Variants in ACOT7 observed in about 807,000 individuals in gnomAD.
ACOT7 encodes acyl-CoA thioesterase 7, also known as cytosolic acyl coenzyme A thioester hydrolase.
Under a neutral mutation model 40.2 loss-of-function variants are expected in ACOT7, and 12 were observed. That is an observed-to-expected ratio of 0.30 (90% CI 0.19 to 0.48). The LOEUF (loss-of-function observed/expected upper bound fraction) is 0.48, where lower values mean the gene tolerates loss of function less well. ACOT7 is among the 20% of genes least tolerant of loss of function. The probability of loss-of-function intolerance (pLI) is 0.99; values close to 1 mark genes in which losing one functional copy is unlikely to be tolerated. For synonymous variants in ACOT7, 228 were observed against 219.5 expected (o/e 1.04, Z -0.34); for missense variants, 395 against 530.8 (o/e 0.74, Z 2.51).
intron 2 of ACOT7, among the ~76,000 whole-genome samples, chr1:6,340,188 A>G (rs564354723): frequency 3.3e-5 from 5 of 152,144 alleles, no homozygotes; most frequent in South Asian, 2.1e-4. Flanking sequence ...GAATGGTCTC[A>G]ATCTCCTGAC....
chr1:6,391,165 G>A (rs968661197), intron 1 of ACOT7, among the ~76,000 whole-genome samples: 9 of 151,780 alleles, frequency 5.9e-5, no homozygotes, highest in Non-Finnish European at 1.0e-4. Flanking sequence ...GCGTGGTGGC[G>A]CACGCCTGTA....
intron 2 of ACOT7, among the ~76,000 whole-genome samples, chr1:6,348,484 G>C (rs1235488627): frequency 6.6e-6 from 1 of 152,116 alleles, no homozygotes; most frequent in East Asian, 1.9e-4. Context: ...AACCCCCAAG[G>C]GAATGGTAGT....
chr1:6,317,355 T>C (rs768052811), intron 6 of ACOT7, among the ~76,000 whole-genome samples: 12 of 152,246 alleles, frequency 7.9e-5, no homozygotes, highest in Non-Finnish European at 1.6e-4. Flanking sequence ...GAAAAATAAT[T>C]ACACATTATT....
chr1:6,380,621 A>G (rs1025195732), intron 1 of ACOT7, among the ~76,000 whole-genome samples: 11 of 150,630 alleles, frequency 7.3e-5, no homozygotes, highest in Non-Finnish European at 1.6e-4. Context: ...CGACCTCTCA[A>G]TGGGGAAAGA....
In ACOT7 at chr1:6,359,431, C is replaced by A. The variant is rs1354099851; in HGVS notation, c.144-9565G>T. 1 of 153,372 alleles carries A rather than the reference C, an allele frequency of 6.5e-6. No homozygotes were observed. The highest frequency in any genetic ancestry group is 2.4e-5 in the African/African-American group (1 of 41,470). 9.5% of individuals were successfully genotyped at this position (153,372 alleles called of 1,614,324 possible). On this transcript the variant is annotated intron_variant, in intron 1 of 8. Transcript: ENST00000361521. This position sits in a 1 kb window ranked among gnomAD's most constrained non-coding sequence, Gnocchi z 4.1. ...GACAGGCGGTCCAGCCTCCCCTCTC[C>A]TCAGGCCACACCCCTGTCCTTCCCC... is the stretch of plus-strand genomic sequence containing the variant.
intron 8 of ACOT7, among the ~76,000 whole-genome samples, chr1:6,271,556 GCC>G (rs1230324995): frequency 6.6e-6 from 1 of 152,218 alleles, no homozygotes; most frequent in Non-Finnish European, 1.5e-5. Context: ...AAGCACCTGT[GCC>G]CCCAGGGTCT....
chr1:6,380,769 A>G (rs1378418557), intron 1 of ACOT7, among the ~76,000 whole-genome samples: 1 of 151,774 alleles, frequency 6.6e-6, no homozygotes, highest in East Asian at 1.9e-4. Flanking sequence ...ACCTAAAACT[A>G]TAAAACTCTT....
chr1:6,322,669 T>C (rs541892379), intron 5 of ACOT7, among the ~76,000 whole-genome samples: 22 of 152,370 alleles, frequency 1.4e-4, no homozygotes, highest in Middle Eastern at 3.4e-3. Flanking sequence ...CCTCTTCTTG[T>C]AAAGACACCA....
intron 8 of ACOT7, among the ~76,000 whole-genome samples, chr1:6,270,806 G>A (rs1045490506): frequency 6.6e-6 from 1 of 152,356 alleles, no homozygotes; most frequent in Admixed American, 6.5e-5. Context: ...CTGAGGCCAA[G>A]TGCAGCCTGG....
chr1:6,335,256 G>C (rs530989432), intron 3 of ACOT7, among the ~76,000 whole-genome samples: 1 of 149,872 alleles, frequency 6.7e-6, no homozygotes, highest in Admixed American at 6.7e-5. Context: ...GAACCCAGGA[G>C]GCAGAGGTTG....
In ACOT7 at chr1:6,365,129, A is replaced by G. The variant is rs148270946; in HGVS notation, c.144-15263T>C. Among the ~76,000 whole-genome samples, 186 of 152,348 alleles carry G rather than the reference A, an allele frequency of 1.2e-3. 1 individual carries two copies. Among genetic ancestry groups the G allele is most frequent in the African/African-American group, 3.8e-3 (159 of 41,576 alleles). Reference sequence around the variant, plus strand: ...AGGCTGGACAAAAAGAGAACTGTGCAAGTCCATGTTTATAAACTTGGAGGA... The same window carrying G: ...AGGCTGGACAAAAAGAGAACTGTGCGAGTCCATGTTTATAAACTTGGAGGA... On this transcript the variant is annotated intron_variant, in intron 1 of 8. Transcript: ENST00000361521.
intron 6 of ACOT7, among the ~76,000 whole-genome samples, chr1:6,308,752 G>A (rs1003189857): frequency 6.6e-6 from 1 of 152,092 alleles, no homozygotes; most frequent in African/African-American, 2.4e-5. Context: ...ACCAGGTGGA[G>A]AGAACTGCAA....
intron 1 of ACOT7, among the ~76,000 whole-genome samples, chr1:6,372,796 C>T (rs1046003985): frequency 2.0e-5 from 3 of 152,138 alleles, no homozygotes; most frequent in South Asian, 2.1e-4. Context: ...GTGATCCAAC[C>T]GCCTCAGCCT....
intron 6 of ACOT7, among the ~76,000 whole-genome samples, chr1:6,309,576 T>C (rs932184517): frequency 6.6e-6 from 1 of 152,236 alleles, no homozygotes; most frequent in Non-Finnish European, 1.5e-5. Context: ...CCGATTTTGA[T>C]AGGAAGTATT....
At chr1:6,386,490 G>A (rs1642442685) in intron 1 of ACOT7, among the ~76,000 whole-genome samples, 1 of 152,114 alleles carries the variant, frequency 6.6e-6, no homozygotes, top group Non-Finnish European at 1.5e-5. Flanking sequence ...TTATTCTGCA[G>A]CAAATCCCGG....
At chr1:6,343,448 A>G (rs1051030450) in intron 2 of ACOT7, among the ~76,000 whole-genome samples, 3 of 152,268 alleles carry the variant, frequency 2.0e-5, no homozygotes, top group African/African-American at 7.2e-5. Flanking sequence ...GGGGCTGGGC[A>G]AGAAAAGTTC....
At chr1:6,341,995 T>C (rs1053341733) in intron 2 of ACOT7, among the ~76,000 whole-genome samples, 1 of 152,190 alleles carries the variant, frequency 6.6e-6, no homozygotes, top group African/African-American at 2.4e-5. Context: ...TCTCTTCATC[T>C]ACCCTGGGGA....
intron 5 of ACOT7, among the ~76,000 whole-genome samples, chr1:6,324,135 G>A (rs1386388506): frequency 1.4e-5 from 2 of 145,084 alleles, no homozygotes; most frequent in Non-Finnish European, 3.2e-5. Context: ...AGGAGACCAG[G>A]CTGGTCTCAG....
chr1:6,308,888 T>C (rs1169218074), intron 6 of ACOT7, among the ~76,000 whole-genome samples: 1 of 152,162 alleles, frequency 6.6e-6, no homozygotes, highest in Non-Finnish European at 1.5e-5. Context: ...CCCCAGACCC[T>C]CCTAGACTGT....
Sources: allele counts gnomAD v4.1 joint callset (sites outside exome capture counted in the v4.1 genomes callset), GRCh38; gene constraint gnomAD v4.1.1; non-coding constraint Gnocchi (gnomAD v3.1); transcripts MANE v1.5; gene names NCBI Gene and HGNC (gene_info 2026-07-23, HGNC 2026-07-21).